The following SLIT3 variants were observed in gnomAD, a reference collection of about 807,000 sequenced individuals.
The protein encoded by SLIT3 is slit guidance ligand 3.
A neutral mutation model predicts 184.0 loss-of-function variants in SLIT3; 68 were observed. That is an observed-to-expected ratio of 0.37 (90% CI 0.30 to 0.45). The LOEUF is 0.45. SLIT3 is among the 20% of genes least tolerant of loss of function. The probability of loss-of-function intolerance (pLI) is 1.00; values close to 1 mark genes in which losing one functional copy is unlikely to be tolerated. For missense variants in SLIT3, 1,707 were observed against 2,026.0 expected (o/e 0.84, Z 3.02); for synonymous variants, 831 against 828.6 (o/e 1.00, Z -0.05).
chr5:169,057,170 G>A (rs1250891684), intron 4 of SLIT3, among the ~76,000 whole-genome samples: 2 of 152,176 alleles, frequency 1.3e-5, no homozygotes, highest in African/African-American at 4.8e-5. Flanking sequence ...ATGTGACCTA[G>A]GGAAGTTGAG....
chr5:168,755,446 TTTTTGAGA>T (rs1754905191), intron 16 of SLIT3, among the ~76,000 whole-genome samples: 1 of 115,658 alleles, frequency 8.6e-6, no homozygotes, highest in South Asian at 3.1e-4. Context: ...TCTTTCTTTC[TTTTTGAGA>T]CAGAATTTCT....
intron 4 of SLIT3, among the ~76,000 whole-genome samples, chr5:169,063,831 G>C (rs1484450013): frequency 6.6e-6 from 1 of 152,206 alleles, no homozygotes; most frequent in Non-Finnish European, 1.5e-5. Context: ...CAGAAGGAGT[G>C]GAAGGTGTTA....
chr5:169,131,506 C>G (rs998103960), intron 4 of SLIT3, among the ~76,000 whole-genome samples: 1 of 152,172 alleles, frequency 6.6e-6, no homozygotes, highest in African/African-American at 2.4e-5. Flanking sequence ...TCCCACTGAG[C>G]CCTAAGTCCC....
chr5:168,690,728 G>C (rs899130275), intron 29 of SLIT3, among the ~76,000 whole-genome samples: 2 of 152,172 alleles, frequency 1.3e-5, no homozygotes, highest in African/African-American at 4.8e-5. Context: ...ATCTGAGGGG[G>C]CATGGGGCAG....
At chr5:168,901,342 T>C (rs999112861) in intron 4 of SLIT3, among the ~76,000 whole-genome samples, 1 of 147,932 alleles carries the variant, frequency 6.8e-6, no homozygotes, top group Non-Finnish European at 1.5e-5. Context: ...CGAGCCTGGG[T>C]GACAGAGTGA....
chr5:168,715,614 T>G (rs1762699615), intron 23 of SLIT3, among the ~76,000 whole-genome samples: 1 of 152,254 alleles, frequency 6.6e-6, no homozygotes, highest in South Asian at 2.1e-4. Context: ...AGAGAAAGAC[T>G]GCCTGAGAAT....
At chr5:168,999,939 C>A (rs1372735541) in intron 4 of SLIT3, among the ~76,000 whole-genome samples, 1 of 152,170 alleles carries the variant, frequency 6.6e-6, no homozygotes, top group Non-Finnish European at 1.5e-5. Context: ...GGAGATGACC[C>A]AAAGACCCTT....
Position 168,773,239 on chromosome 5 carries a change from C to T in SLIT3, c.1296-295G>A, listed in dbSNP as rs543740646. ...CACCGATTGCTTCTACTCTCACCCA[C>T]GCCAATTCTGACAGACAAACCCAGT... On this transcript the variant is annotated intron_variant, in intron 13 of 35. Coordinates refer to ENST00000519560, the MANE Select transcript of SLIT3 (RefSeq NM_003062.4). 1.7e-3 allele frequency among the ~76,000 whole-genome samples: 262 copies of T among 152,172 alleles called. 1 individual carries two copies. Among genetic ancestry groups the T allele is most frequent in the African/African-American group, 5.9e-3 (245 of 41,448 alleles).
intron 4 of SLIT3, among the ~76,000 whole-genome samples, chr5:168,887,013 C>G (rs1417454349): frequency 2.3e-5 from 3 of 132,732 alleles, no homozygotes; most frequent in Non-Finnish European, 5.2e-5. Context: ...GATTAACTTT[C>G]TTCGCAAATT....
At chr5:169,198,953 TACAC>T (rs58669966) in intron 3 of SLIT3, among the ~76,000 whole-genome samples, 22 of 142,076 alleles carry the variant, frequency 1.5e-4, no homozygotes, top group Non-Finnish European at 2.3e-4. Context: ...AAACAAACTA[TACAC>T]ACACACACAC....
intron 23 of SLIT3, among the ~76,000 whole-genome samples, chr5:168,713,933 C>G (rs1246458204): frequency 2.0e-5 from 3 of 152,142 alleles, no homozygotes; most frequent in African/African-American, 7.2e-5. Context: ...AAGGCAAGGC[C>G]CTTATTTCTC....
chr5:168,754,733 C>T (rs753563491), intron 16 of SLIT3, among the ~76,000 whole-genome samples: 35 of 152,196 alleles, frequency 2.3e-4, no homozygotes, highest in Non-Finnish European at 4.1e-4. Flanking sequence ...TATCACGTGT[C>T]CCATAAATAT....
intron 1 of SLIT3, among the ~76,000 whole-genome samples, chr5:169,279,603 T>C (rs1243104256): frequency 1.3e-5 from 2 of 152,236 alleles, no homozygotes; most frequent in African/African-American, 4.8e-5. Context: ...TAACATAACA[T>C]ATTATGTAAA....
chr5:169,225,580 A>G lies in SLIT3; in HGVS notation c.341+19125T>C, dbSNP rs1241369346. On this transcript the variant is annotated intron_variant, in intron 3 of 35. Transcript: ENST00000519560. ...GGAGAGAGAGAGATGCCAAGCCAAC[A>G]CCACTAACAAAGGCCCCATAAGACT... Among the ~76,000 whole-genome samples, 6 of 152,318 alleles carry G rather than the reference A, an allele frequency of 3.9e-5. No homozygotes were observed. In the East Asian group the frequency reaches 1.2e-3, roughly 29 times the overall value.
At position 168,712,313 on chromosome 5, in the gene SLIT3, G is replaced by A; in HGVS notation, c.2525C>T (p.Ser842Phe). ...GGAAAGAGATGTGAGGTCGTTGAAG[G>A]AGCCTTCAGGAACGCTGGAAATGTC... ...GNDISSVPEG[S>F]FNDLTSLSHL... Residue 842 changes from serine (S) to phenylalanine (F), a missense_variant, in exon 24 of 36, where the codon TCC becomes TTC. Transcript: ENST00000519560. 6.2e-7 allele frequency: 1 copy of A among 1,614,158 alleles called. No individual in the cohort carries two copies. Among genetic ancestry groups the A allele is most frequent in the Non-Finnish European group, 8.5e-7 (1 of 1,180,004 alleles).
intron 20 of SLIT3, among the ~76,000 whole-genome samples, chr5:168,735,390 C>A (rs1247173452): frequency 6.6e-6 from 1 of 152,140 alleles, no homozygotes; most frequent in Non-Finnish European, 1.5e-5. Flanking sequence ...CCACTAGAGT[C>A]CTGGAGTGAT....
chr5:168,874,241 T>C (rs577054923), intron 5 of SLIT3, among the ~76,000 whole-genome samples: 3 of 152,328 alleles, frequency 2.0e-5, no homozygotes, highest in Admixed American at 6.5e-5. Flanking sequence ...AATAATAGTC[T>C]CCATTATCCT....
intron 4 of SLIT3, among the ~76,000 whole-genome samples, chr5:169,150,543 A>ACC (rs1554102466): frequency 0.025 from 3,735 of 151,178 alleles, 140 homozygotes; most frequent in East Asian, 0.088. Context: ...ACACACACAC[A>ACC]CCCTTACCTC....
intron 4 of SLIT3, among the ~76,000 whole-genome samples, chr5:168,950,085 C>T (rs987338985): frequency 1.5e-5 from 2 of 137,534 alleles, no homozygotes; most frequent in Non-Finnish European, 3.1e-5. Context: ...TCTGTAGAGG[C>T]CTAATCACTA....
Sources: gnomAD v4.1 joint callset for allele counts (sites outside exome capture counted in the v4.1 genomes callset) on GRCh38, gnomAD v4.1.1 for gene constraint, MANE v1.5 for transcripts, NCBI Gene and HGNC (gene_info 2026-07-23, HGNC 2026-07-21) for gene names.